Variants in DTNA observed in about 807,000 individuals in gnomAD.
DTNA encodes dystrobrevin alpha.
Under a neutral mutation model 100.7 loss-of-function variants are expected in DTNA, and 43 were observed. That is an observed-to-expected ratio of 0.43 (90% CI 0.33 to 0.55). The LOEUF (loss-of-function observed/expected upper bound fraction) is 0.55. Ranked by LOEUF, DTNA falls within the 20% of genes least tolerant of loss-of-function variation. DTNA has a pLI of 0.04. For synonymous variants in DTNA, 349 were observed against 347.9 expected, an observed-to-expected ratio of 1.00 and a Z score of -0.04; for missense variants, 798 against 953.9, an observed-to-expected ratio of 0.84 and a Z score of 2.15.
intron 1 of DTNA, among the ~76,000 whole-genome samples, chr18:34,663,589 A>G (rs2075498704): frequency 6.6e-6 from 1 of 152,020 alleles, no homozygotes; most frequent in Admixed American, 6.5e-5. Flanking sequence ...CATTTCTTTC[A>G]TAGAACATTT....
At chr18:34,556,885 T>A (rs1245576823) in intron 1 of DTNA, among the ~76,000 whole-genome samples, 3 of 149,434 alleles carry the variant, frequency 2.0e-5, no homozygotes, top group Admixed American at 1.3e-4. Flanking sequence ...CTTTGTGGCA[T>A]TTTCTGTATT....
intron 1 of DTNA, among the ~76,000 whole-genome samples, chr18:34,735,650 C>A (rs540891727): frequency 2.6e-4 from 39 of 152,054 alleles, no homozygotes; most frequent in Non-Finnish European, 5.0e-4. Flanking sequence ...TGTGGACCAG[C>A]CAGAAGAGGC....
At chr18:34,551,170 T>C (rs2045369945) in intron 1 of DTNA, among the ~76,000 whole-genome samples, 1 of 152,098 alleles carries the variant, frequency 6.6e-6, no homozygotes, top group African/African-American at 2.4e-5. Flanking sequence ...GAGAAAAGAG[T>C]TTTGTTTTAG....
At chr18:34,834,159 A>T (rs2096079072) in intron 11 of DTNA, among the ~76,000 whole-genome samples, 1 of 152,130 alleles carries the variant, frequency 6.6e-6, no homozygotes, top group Non-Finnish European at 1.5e-5. Flanking sequence ...TAGTCCCTTT[A>T]TGTTGCTGTA....
chr18:34,507,396 A>G (rs974869446), intron 1 of DTNA, among the ~76,000 whole-genome samples: 1 of 152,216 alleles, frequency 6.6e-6, no homozygotes, highest in African/African-American at 2.4e-5. Context: ...CTAACTGAGG[A>G]GCACCTCCTA....
chr18:34,517,810 C>T (rs537775217), intron 1 of DTNA, among the ~76,000 whole-genome samples: 1 of 152,130 alleles, frequency 6.6e-6, no homozygotes, highest in East Asian at 1.9e-4. Context: ...AGTAGTAGTC[C>T]AAGGTATGGA....
intron 1 of DTNA, among the ~76,000 whole-genome samples, chr18:34,556,557 G>A (rs2046076892): frequency 6.6e-6 from 1 of 151,992 alleles, no homozygotes; most frequent in Non-Finnish European, 1.5e-5. Context: ...CGCTTTTAGG[G>A]CAGGCCTGGT....
At chr18:34,853,211 C>T (rs376073234) in intron 15 of DTNA, among the ~76,000 whole-genome samples, 45 of 152,190 alleles carry the variant, frequency 3.0e-4, no homozygotes, top group Admixed American at 1.5e-3. Flanking sequence ...GGCAAAAAAA[C>T]GCAATTACGT....
At chr18:34,658,148 G>T (rs1306444189) in intron 1 of DTNA, among the ~76,000 whole-genome samples, 1 of 152,110 alleles carries the variant, frequency 6.6e-6, no homozygotes, top group Non-Finnish European at 1.5e-5. Flanking sequence ...AAACTAAAAA[G>T]GAGAGAGTAT....
At chr18:34,673,505 C>T (rs762507103) in intron 1 of DTNA, among the ~76,000 whole-genome samples, 5 of 144,680 alleles carry the variant, frequency 3.5e-5, no homozygotes, top group South Asian at 2.2e-4. Context: ...CAGAAAGATA[C>T]GCAGAGCCAG....
chr18:34,715,422 C>T (rs2146697872), intron 1 of DTNA, among the ~76,000 whole-genome samples: 1 of 152,132 alleles, frequency 6.6e-6, no homozygotes, highest in Non-Finnish European at 1.5e-5. Flanking sequence ...CTCTCAAACA[C>T]ACATGTTATG....
chr18:34,499,879 A>ATGTGGTT (rs1403699318), intron 1 of DTNA, among the ~76,000 whole-genome samples: 1 of 152,162 alleles, frequency 6.6e-6, no homozygotes, highest in Non-Finnish European at 1.5e-5. Context: ...TTTCTAAGAT[A>ATGTGGTT]TGTGGTTTGC....
chr18:34,726,824 C>G (rs1010340683), intron 1 of DTNA, among the ~76,000 whole-genome samples: 3 of 152,226 alleles, frequency 2.0e-5, no homozygotes, highest in Non-Finnish European at 4.4e-5. Flanking sequence ...ACAGCAACCC[C>G]CTTCTCACAG....
At chr18:34,678,413 C>T (rs374367441) in intron 1 of DTNA, among the ~76,000 whole-genome samples, 1 of 151,978 alleles carries the variant, frequency 6.6e-6, no homozygotes, top group South Asian at 2.1e-4. Context: ...CAGAAGGCAC[C>T]CATCACCCAG....
At chr18:34,773,979 T>C (rs1422241215) in intron 3 of DTNA, among the ~76,000 whole-genome samples, 4 of 152,220 alleles carry the variant, frequency 2.6e-5, no homozygotes, top group Non-Finnish European at 5.9e-5. Flanking sequence ...ACCTGTGAGC[T>C]AAGCCACACC....
chr18:34,884,419 C>A (rs1041749716), intron 21 of DTNA, among the ~76,000 whole-genome samples: 3 of 152,140 alleles, frequency 2.0e-5, no homozygotes, highest in African/African-American at 7.2e-5. Flanking sequence ...TCTTAAGCTC[C>A]CTCTCCCTCT....
intron 1 of DTNA, among the ~76,000 whole-genome samples, chr18:34,701,397 T>A (rs565281889): frequency 6.6e-6 from 1 of 152,286 alleles, no homozygotes; most frequent in African/African-American, 2.4e-5. Flanking sequence ...AAAAATTCCC[T>A]TGTTTTCAAG....
intron 9 of DTNA, among the ~76,000 whole-genome samples, chr18:34,824,763 T>G (rs947366099): frequency 3.3e-5 from 5 of 151,896 alleles, no homozygotes; most frequent in Non-Finnish European, 7.4e-5. Context: ...TTATTTTTTG[T>G]AGAAATAGGG....
chr18:34,808,939 C>T (rs1260795709), intron 5 of DTNA, among the ~76,000 whole-genome samples: 2 of 152,116 alleles, frequency 1.3e-5, no homozygotes, highest in Non-Finnish European at 2.9e-5. Flanking sequence ...GAGCAGTGCA[C>T]CTGAATCACA....
Sources: gnomAD v4.1 joint callset for allele counts (sites outside exome capture counted in the v4.1 genomes callset) on GRCh38, gnomAD v4.1.1 for gene constraint, MANE v1.5 for transcripts, NCBI Gene and HGNC (gene_info 2026-07-23, HGNC 2026-07-21) for gene names.